The following SYNJ2 variants were observed in gnomAD, a reference collection of about 807,000 sequenced individuals.
SYNJ2 encodes the protein synaptojanin 2, also known as polyphosphatidylinositol phosphatase SYNJ2.
Under a neutral mutation model 141.3 loss-of-function variants are expected in SYNJ2, and 116 were observed. The ratio of observed to expected loss-of-function variants is 0.82; its 90% CI spans 0.71 to 0.96. The LOEUF (loss-of-function observed/expected upper bound fraction) is 0.96, where lower values mean the gene tolerates loss of function less well. Ranked by LOEUF, SYNJ2 falls within the 40% of genes least tolerant of loss-of-function variation. The pLI is 0.00. For synonymous variants in SYNJ2, 745 were observed against 777.7 expected (o/e 0.96, Z 0.70); for missense variants, 1,873 against 1,934.8 (o/e 0.97, Z 0.60).
At chr6:158,061,448 T>C (rs1011771592) in intron 7 of SYNJ2, among the ~76,000 whole-genome samples, 2 of 152,154 alleles carry the variant, frequency 1.3e-5, no homozygotes, top group Non-Finnish European at 2.9e-5. Context: ...TCACTCTGGC[T>C]CCCTGACCAT....
rs868419835 is a variant in SYNJ2, at chr6:158,043,241, G to A, written c.712-75G>A. On this transcript the variant is annotated intron_variant, in intron 4 of 26. Transcript: ENST00000355585. The surrounding 1 kb of genome is among the most constrained non-coding windows in gnomAD (Gnocchi z 4.0). ...GGCTGGTGTCGGGTCACAGGTGGCC[G>A]GATCCCGTTACCCAGCCCAGGACGT... 39 of 1,350,248 alleles carry A rather than the reference G, an allele frequency of 2.9e-5. 1 individual carries two copies. Among genetic ancestry groups the A allele is most frequent in the South Asian group, 2.7e-4 (22 of 82,292 alleles). The allele number at this position is 1,350,248 out of a possible 1,614,324, so 83.6% of individuals were successfully genotyped here.
At chr6:158,064,423 T>C (rs1781429575) in intron 9 of SYNJ2, among the ~76,000 whole-genome samples, 178 bp from the exon 10 acceptor site, 1 of 152,012 alleles carries the variant, frequency 6.6e-6, no homozygotes. Context: ...ATAGATAAAG[T>C]TGGGGTGAGA....
chr6:158,045,539 T>C (rs1780192969), intron 5 of SYNJ2, among the ~76,000 whole-genome samples: 2 of 152,140 alleles, frequency 1.3e-5, no homozygotes, highest in South Asian at 4.1e-4. Context: ...CTAGAGTGTT[T>C]TGGGGTGCGC....
intron 5 of SYNJ2, among the ~76,000 whole-genome samples, chr6:158,053,641 C>T (rs1014116258): frequency 6.6e-6 from 1 of 151,798 alleles, no homozygotes; most frequent in East Asian, 2.0e-4. Flanking sequence ...CACCTATCCA[C>T]CTACTTGTCT....
intron 6 of SYNJ2, among the ~76,000 whole-genome samples, chr6:158,058,069 A>G (rs565502243): frequency 6.6e-6 from 1 of 152,354 alleles, no homozygotes; most frequent in Admixed American, 6.5e-5. Flanking sequence ...AAGAAAAAAA[A>G]TGATTTTTTT....
At chr6:158,021,852 T>G (rs1778791600) in intron 2 of SYNJ2, among the ~76,000 whole-genome samples, 1 of 152,030 alleles carries the variant, frequency 6.6e-6, no homozygotes, top group Non-Finnish European at 1.5e-5. Context: ...ACCAAGAGAG[T>G]TGACACCCAG....
At position 158,096,646 on chromosome 6, in the gene SYNJ2, C is replaced by G. The variant is rs1783815694; in HGVS notation, c.*282C>G. On this transcript the variant is annotated 3_prime_UTR_variant, in exon 27 of 27. Transcript: ENST00000355585. ...TATGGATTTTAAGAAAGGAATCTAG[C>G]CAATGAGGTCCAAGAAGTTCTCACC... is the stretch of plus-strand genomic sequence containing the variant. 3.5e-6 allele frequency: 1 copy of G among 284,296 alleles called. No individual in the cohort carries two copies. The highest frequency in any genetic ancestry group is 6.5e-6 in the Non-Finnish European group (1 of 153,154). The allele number at this position is 284,296 out of a possible 1,614,324, so 17.6% of individuals were successfully genotyped here.
intron 1 of SYNJ2, among the ~76,000 whole-genome samples, chr6:158,008,018 C>G (rs545643987): frequency 6.6e-6 from 1 of 152,242 alleles, no homozygotes; most frequent in East Asian, 1.9e-4. Flanking sequence ...TCTTGAACTC[C>G]TGGGCTCAAC....
intron 17 of SYNJ2, chr6:158,077,650 T>TAAAAAAAAAAAAAAAAAAAAAAAAAA (rs56028079): frequency 7.8e-6 from 1 of 128,208 alleles, no homozygotes; most frequent in African/African-American, 2.9e-5. Flanking sequence ...AACTAGTACA[T>TAAAAAAAAAAAAAAAAAAAAAAAAAA]AAAAAAAAAA....
At chr6:158,005,831 G>A (rs1778048667) in intron 1 of SYNJ2, among the ~76,000 whole-genome samples, 1 of 152,060 alleles carries the variant, frequency 6.6e-6, no homozygotes. Flanking sequence ...GAAGCCACTG[G>A]AAGAGAATTC....
chr6:158,086,206 T>C (rs1018451584), intron 22 of SYNJ2, among the ~76,000 whole-genome samples: 3 of 151,940 alleles, frequency 2.0e-5, no homozygotes, highest in Non-Finnish European at 4.4e-5. Flanking sequence ...CGAGTCAAAG[T>C]GAAATGGAGA....
At chr6:158,072,859 C>T (rs983887739) in intron 15 of SYNJ2, among the ~76,000 whole-genome samples, 1 of 151,968 alleles carries the variant, frequency 6.6e-6, no homozygotes, top group African/African-American at 2.4e-5. Flanking sequence ...CACCTGAGGT[C>T]AGGAGTTCGA....
At chr6:158,022,401 A>G (rs545497985) in intron 2 of SYNJ2, among the ~76,000 whole-genome samples, 40 of 152,326 alleles carry the variant, frequency 2.6e-4, no homozygotes, top group African/African-American at 8.9e-4. Flanking sequence ...GCCACGTATC[A>G]TGACTCCAAC....
chr6:158,033,420 A>G, intron 3 of SYNJ2, 35 bp from the exon 4 acceptor site: 1 of 1,601,802 alleles, frequency 6.2e-7, no homozygotes, highest in Middle Eastern at 1.7e-4. Flanking sequence ...GAGGATGTCA[A>G]GTGACTGGAA....
chr6:158,068,705 C>T lies in SYNJ2; in HGVS notation c.1776C>T (p.Ser592=), dbSNP rs756648873. The change falls in exon 13 of 27, where the codon AGC becomes AGT. Residue 592 remains serine, a synonymous_variant. Coordinates refer to ENST00000355585, the MANE Select transcript of SYNJ2 (RefSeq NM_003898.4). ...GGTTTGAAGAGATGGTGGAATTGAGCGCAGGGAATATTGTCAATGCCAGGT... is the reference window on the plus strand; with the variant it reads ...GGTTTGAAGAGATGGTGGAATTGAGTGCAGGGAATATTGTCAATGCCAGGT... ...AVGFEEMVEL[S]AGNIVNASTT... The T allele has an allele frequency of 1.9e-5, 31 of 1,614,038 alleles. No individual in the cohort carries two copies. The highest frequency in any genetic ancestry group is 9.3e-5 in the African/African-American group (7 of 74,916).
intron 1 of SYNJ2, among the ~76,000 whole-genome samples, chr6:157,983,170 C>G (rs11969968): frequency 1.3e-5 from 2 of 152,312 alleles, no homozygotes; most frequent in Admixed American, 1.3e-4. Context: ...TGCATCGACT[C>G]CCGTTCGGAT....
At chr6:158,014,532 G>A (rs1562323954) in intron 1 of SYNJ2, among the ~76,000 whole-genome samples, 1 of 152,238 alleles carries the variant, frequency 6.6e-6, no homozygotes, top group African/African-American at 2.4e-5. Context: ...GGAATTGGGT[G>A]TATTTTCAAG....
intron 1 of SYNJ2, among the ~76,000 whole-genome samples, chr6:157,998,849 C>G (rs1274862460): frequency 6.6e-6 from 1 of 152,216 alleles, no homozygotes; most frequent in Non-Finnish European, 1.5e-5. Flanking sequence ...TGAACACACC[C>G]ACATAGCCAG....
At chr6:157,983,631 A>T (rs1777091671) in intron 1 of SYNJ2, among the ~76,000 whole-genome samples, 2 of 152,238 alleles carry the variant, frequency 1.3e-5, no homozygotes, top group South Asian at 4.1e-4. Flanking sequence ...TTTAAAAATG[A>T]TTAATGACAG....
Sources: allele counts gnomAD v4.1 joint callset (sites outside exome capture counted in the v4.1 genomes callset), GRCh38; gene constraint gnomAD v4.1.1; non-coding constraint Gnocchi (gnomAD v3.1); transcripts MANE v1.5; gene names NCBI Gene and HGNC (gene_info 2026-07-23, HGNC 2026-07-21).